Variants in PCDHGB4 observed in about 807,000 individuals in gnomAD.
The protein encoded by PCDHGB4 is protocadherin gamma subfamily B, 4.
PCDHGB4 carries 38 observed loss-of-function variants against 60.5 expected under a neutral mutation model. The observed-to-expected ratio is 0.63, with a 90% CI of 0.48 to 0.82. The LOEUF (loss-of-function observed/expected upper bound fraction) is 0.82, where lower values mean the gene tolerates loss of function less well. Among genes scored for constraint, PCDHGB4 ranks in the 40% least tolerant of loss-of-function variants. The pLI, the probability that PCDHGB4 is intolerant of heterozygous loss-of-function variation, is 0.00. For synonymous variants in PCDHGB4, 456 were observed against 509.7 expected (o/e 0.89, Z 1.42); for missense variants, 1,109 against 1,209.6 (o/e 0.92, Z 1.23).
At chr5:141,423,679 C>T in intron 1 of PCDHGB4, 2 of 1,487,594 alleles carry the variant, frequency 1.3e-6, no homozygotes, top group South Asian at 1.3e-5. Context: ...TATTTCTCTG[C>T]CTCCTAATTG....
chr5:141,469,802 C>T (rs2099211446), intron 1 of PCDHGB4, among the ~76,000 whole-genome samples: 1 of 152,022 alleles, frequency 6.6e-6, no homozygotes, highest in Admixed American at 6.6e-5. Flanking sequence ...ATTGCAAAAA[C>T]ATTGTAGATA....
chr5:141,505,320 C>G, intron 2 of PCDHGB4, 73 bp from the exon 3 acceptor site: 2 of 1,605,358 alleles, frequency 1.2e-6, no homozygotes, highest in Non-Finnish European at 1.7e-6. Context: ...TTTGGGAGCC[C>G]TGGGAGAGGA....
chr5:141,410,161 A>C (rs2095363664), intron 1 of PCDHGB4: 1 of 1,613,220 alleles, frequency 6.2e-7, no homozygotes, highest in African/African-American at 1.3e-5. Context: ...GACAGCCGCC[A>C]CTCTCTGCCA....
intron 1 of PCDHGB4, chr5:141,409,866 G>A (rs1268327848): frequency 3.7e-6 from 6 of 1,612,258 alleles, no homozygotes; most frequent in East Asian, 4.5e-5. Context: ...GTGGGAGACC[G>A]CAATGACAAC....
At chr5:141,445,844 A>T (rs979756627) in intron 1 of PCDHGB4, among the ~76,000 whole-genome samples, 3 of 152,216 alleles carry the variant, frequency 2.0e-5, no homozygotes, top group Admixed American at 1.3e-4. Context: ...TGTAAATCAC[A>T]CTTAAAATTC....
rs1231167998 is a variant in PCDHGB4, at chr5:141,399,197, T to C, written c.2397+8916T>C. 1.9e-6 allele frequency: 3 copies of C among 1,613,808 alleles called. No individual in the cohort carries two copies. In the African/African-American group the frequency reaches 4.0e-5, roughly 22 times the overall value. On this transcript the variant is annotated intron_variant, in intron 1 of 3. Transcript: ENST00000519479. ...CTTGAAATGATTCTGGAAAACGCGGTGCCTGGAACACTAATTGCTTTGATC... is the reference window on the plus strand; with the variant it reads ...CTTGAAATGATTCTGGAAAACGCGGCGCCTGGAACACTAATTGCTTTGATC...
chr5:141,408,157 T>C (rs748693406), intron 1 of PCDHGB4: 70 of 1,514,372 alleles, frequency 4.6e-5, no homozygotes, highest in Non-Finnish European at 5.9e-5. Flanking sequence ...AGAGTGCACT[T>C]TCTCCAACTG....
At chr5:141,503,802 G>A (rs2099831646) in intron 2 of PCDHGB4, among the ~76,000 whole-genome samples, 1 of 151,998 alleles carries the variant, frequency 6.6e-6, no homozygotes, top group South Asian at 2.1e-4. Context: ...CTTAGGGACG[G>A]GGAATCCCAG....
intron 1 of PCDHGB4, chr5:141,404,243 C>A: frequency 6.2e-7 from 1 of 1,613,810 alleles, no homozygotes; most frequent in Non-Finnish European, 8.5e-7. Flanking sequence ...AGGAACTCCG[C>A]CCCTGTCCAC....
At chr5:141,469,438 G>T (rs2099201339) in intron 1 of PCDHGB4, among the ~76,000 whole-genome samples, 1 of 152,112 alleles carries the variant, frequency 6.6e-6, no homozygotes, top group African/African-American at 2.4e-5. Flanking sequence ...AGCTGGGCGT[G>T]GTGGTGCACA....
chr5:141,502,864 G>T (rs1595824348), intron 2 of PCDHGB4, among the ~76,000 whole-genome samples: 4 of 61,548 alleles, frequency 6.5e-5, no homozygotes, highest in African/African-American at 2.4e-4. Flanking sequence ...CTGACTCTCT[G>T]TCTTTTTTTT....
chr5:141,459,862 C>T (rs931723906), intron 1 of PCDHGB4, among the ~76,000 whole-genome samples: 3 of 152,158 alleles, frequency 2.0e-5, no homozygotes, highest in East Asian at 1.9e-4. Context: ...TTGAAGCATT[C>T]GTTCATCTTT....
At position 141,489,436 on chromosome 5, in the gene PCDHGB4, T is replaced by C. The variant is rs1002519; in HGVS notation, c.2398-5371T>C. 0.23 allele frequency: 369,130 copies of C among 1,613,832 alleles called. 44,340 individuals are homozygous for C. The highest frequency in any genetic ancestry group is 0.38 in the Admixed American group (23,024 of 60,000). On this transcript the variant is annotated intron_variant, in intron 1 of 3. Transcript: ENST00000519479. The surrounding 1 kb of genome is among the most constrained non-coding windows in gnomAD (Gnocchi z 4.5). ...AGATCTGTTGAGCCGGCGGCTGCAATTGGGCTCTGAGGAGAATGGGCGCTA... is the reference window on the plus strand; with the variant it reads ...AGATCTGTTGAGCCGGCGGCTGCAACTGGGCTCTGAGGAGAATGGGCGCTA...
In PCDHGB4 at chr5:141,428,115, G is replaced by T. The variant is rs753384738; in HGVS notation, c.2397+37834G>T. 5 of 1,607,062 alleles carry T rather than the reference G, an allele frequency of 3.1e-6. No homozygotes were observed. In the South Asian group the frequency reaches 5.5e-5, roughly 18 times the overall value. On this transcript the variant is annotated intron_variant, in intron 1 of 3. Coordinates refer to ENST00000519479, the MANE Select transcript of PCDHGB4 (RefSeq NM_003736.4). ...GTCCTACCACGTGCTGCAGGCCATC[G>T]AGCCCGGGCTTTTCAGCCTGGGGCT...
intron 1 of PCDHGB4, chr5:141,394,892 C>T (rs267600457): frequency 4.5e-4 from 723 of 1,613,752 alleles, no homozygotes; most frequent in Non-Finnish European, 5.8e-4. Context: ...CACTCTATCT[C>T]GTGGTGGCAG....
At chr5:141,421,717 G>T in intron 1 of PCDHGB4, 2 of 1,613,932 alleles carry the variant, frequency 1.2e-6, no homozygotes, top group East Asian at 4.5e-5. Context: ...TCCAGATGTG[G>T]GCGTGAACTC....
intron 1 of PCDHGB4, among the ~76,000 whole-genome samples, chr5:141,461,881 T>C (rs2099025428): frequency 6.6e-6 from 1 of 152,060 alleles, no homozygotes. Flanking sequence ...TGGAGTGCAA[T>C]GGCACGATCT....
chr5:141,494,878 T>A lies in PCDHGB4; in HGVS notation c.2456+13T>A. Reference sequence around the variant, plus strand: ...CCGGCACCAGCGGGTAGGTGACTGATTCTCCAGCCCACCCTCTTCTCTGCG... The same window carrying A: ...CCGGCACCAGCGGGTAGGTGACTGAATCTCCAGCCCACCCTCTTCTCTGCG... On this transcript the variant is annotated intron_variant, in intron 2 of 3. Coordinates refer to ENST00000519479, the MANE Select transcript of PCDHGB4 (RefSeq NM_003736.4). The A allele has an allele frequency of 6.2e-7, 1 of 1,614,072 alleles. No homozygotes were observed. The highest frequency in any genetic ancestry group is 8.5e-7 in the Non-Finnish European group (1 of 1,179,986).
chr5:141,450,181 C>A (rs2098672863), intron 1 of PCDHGB4, among the ~76,000 whole-genome samples: 1 of 151,572 alleles, frequency 6.6e-6, no homozygotes, highest in African/African-American at 2.4e-5. Flanking sequence ...CCACACCCAG[C>A]TAATTTTTGT....
Sources: allele counts gnomAD v4.1 joint callset (sites outside exome capture counted in the v4.1 genomes callset), GRCh38; gene constraint gnomAD v4.1.1; non-coding constraint Gnocchi (gnomAD v3.1); transcripts MANE v1.5; gene names NCBI Gene and HGNC (gene_info 2026-07-23, HGNC 2026-07-21).